Variants in CRB1 observed in about 807,000 individuals in gnomAD.
CRB1 encodes protein crumbs homolog 1.
CRB1 carries 83 observed loss-of-function variants against 120.0 expected under a neutral mutation model. The observed-to-expected ratio is 0.69, with a 90% CI of 0.58 to 0.83. CRB1 has a LOEUF of 0.83. CRB1 is among the 40% of genes least tolerant of loss of function. CRB1 has a pLI of 0.00. For missense variants in CRB1, 1,699 were observed against 1,687.6 expected (o/e 1.01, Z -0.12); for synonymous variants, 625 against 612.5 (o/e 1.02, Z -0.30).
At chr1:197,428,509 A>G (rs917434745) in intron 7 of CRB1, among the ~76,000 whole-genome samples, 5 of 152,210 alleles carry the variant, frequency 3.3e-5, no homozygotes, top group East Asian at 1.9e-4. Flanking sequence ...TAAATATTCT[A>G]TGTGCTCTTC....
chr1:197,442,460 A>T, intron 11 of CRB1, 168 bp downstream of exon 11: 1 of 1,537,916 alleles, frequency 6.5e-7, no homozygotes, highest in Non-Finnish European at 8.7e-7. Context: ...AAGCCATTGA[A>T]TTTCAAGAAA....
At chr1:197,329,098 A>C (rs1009149438) in intron 2 of CRB1, 95 bp downstream of exon 2, 1 of 1,117,276 alleles carries the variant, frequency 9.0e-7, no homozygotes, top group Non-Finnish European at 1.3e-6. Context: ...ACAATCATTT[A>C]TGAAAATGGC....
intron 8 of CRB1, among the ~76,000 whole-genome samples, chr1:197,434,137 C>A (rs1665007091): frequency 6.6e-6 from 1 of 151,866 alleles, no homozygotes; most frequent in African/African-American, 2.4e-5. Context: ...ACAGAATTTG[C>A]AGCTTGTCAC....
chr1:197,342,791 C>G (rs1489999437), intron 2 of CRB1, among the ~76,000 whole-genome samples: 1 of 152,172 alleles, frequency 6.6e-6, no homozygotes, highest in East Asian at 1.9e-4. Flanking sequence ...TATAGTAATA[C>G]CTACCATTGA....
chr1:197,475,899 G>A (rs998016271), intron 11 of CRB1, among the ~76,000 whole-genome samples: 14 of 151,802 alleles, frequency 9.2e-5, no homozygotes, highest in Non-Finnish European at 1.3e-4. Flanking sequence ...GTCTTCTTGC[G>A]TTTTATGTTT....
intron 11 of CRB1, among the ~76,000 whole-genome samples, chr1:197,459,206 A>G (rs533333214): frequency 6.6e-6 from 1 of 152,240 alleles, no homozygotes; most frequent in South Asian, 2.1e-4. Flanking sequence ...CTTTGGTAAA[A>G]ATCCAGCCAG....
the CRB1 span, among the ~76,000 whole-genome samples, chr1:197,262,611 G>C: frequency 3.3e-3 from 508 of 152,252 alleles, 2 homozygotes; most frequent in Non-Finnish European, 3.8e-3. Flanking sequence ...ACTGAGGTTT[G>C]AGGTATGAAT....
chr1:197,343,609 G>T (rs143629245), intron 2 of CRB1, among the ~76,000 whole-genome samples: 9 of 152,070 alleles, frequency 5.9e-5, no homozygotes, highest in African/African-American at 2.2e-4. Context: ...AGATAAAAAT[G>T]TCTATGCAAA....
At chr1:197,414,263 C>T (rs978865060) in intron 5 of CRB1, among the ~76,000 whole-genome samples, 37 of 152,048 alleles carry the variant, frequency 2.4e-4, no homozygotes, top group South Asian at 6.2e-4. Flanking sequence ...TTGTATATGT[C>T]TTTGTATATA....
chr1:197,477,483 T>C (rs1667245495), intron 11 of CRB1, 181 bp from the exon 12 acceptor site: 3 of 705,364 alleles, frequency 4.3e-6, no homozygotes, highest in South Asian at 3.0e-5. Context: ...AGATATATGA[T>C]TATTTGTAAA....
At chr1:197,401,795 C>A (rs1473981451) in intron 5 of CRB1, among the ~76,000 whole-genome samples, 1 of 152,056 alleles carries the variant, frequency 6.6e-6, no homozygotes, top group Non-Finnish European at 1.5e-5. Flanking sequence ...TAAGTAGTAT[C>A]TCTTTCTGTT....
At chr1:197,264,870 C>A (rs1654597708), upstream of CRB1, among the ~76,000 whole-genome samples, 1 of 151,804 alleles carries the variant, frequency 6.6e-6, no homozygotes, top group Non-Finnish European at 1.5e-5. Context: ...TGTGATCCAC[C>A]CGCCTCAGCC....
chr1:197,453,203 G>T (rs6689739), intron 11 of CRB1, among the ~76,000 whole-genome samples: 139,751 of 150,030 alleles, frequency 0.93, 65,969 homozygotes, highest in East Asian at 1. Context: ...AGAATTATGA[G>T]TGCTAGGAGC....
the CRB1 span, among the ~76,000 whole-genome samples, chr1:197,227,393 CTT>C: frequency 8.7e-5 from 12 of 138,066 alleles, no homozygotes; most frequent in Non-Finnish European, 1.4e-4. Flanking sequence ...TTTTCTTTTT[CTT>C]TTTTTTTTTT....
chr1:197,458,318 G>A (rs1156737654), intron 11 of CRB1, among the ~76,000 whole-genome samples: 1 of 151,980 alleles, frequency 6.6e-6, no homozygotes, highest in East Asian at 1.9e-4. Context: ...GAAGATTTCT[G>A]CATTTGCCCC....
intron 1 of CRB1, among the ~76,000 whole-genome samples, chr1:197,270,005 TTGATA>T (rs1654822354): frequency 6.6e-6 from 1 of 152,214 alleles, no homozygotes; most frequent in South Asian, 2.1e-4. Context: ...TTTGTCTGTG[TTGATA>T]TATTTATTGG....
intron 11 of CRB1, among the ~76,000 whole-genome samples, chr1:197,446,162 C>A (rs556452432): frequency 6.7e-6 from 1 of 149,358 alleles, no homozygotes; most frequent in Non-Finnish European, 1.5e-5. Flanking sequence ...TACACTCCAG[C>A]CTGGGTGACA....
intron 1 of CRB1, among the ~76,000 whole-genome samples, chr1:197,278,738 A>G (rs570031159): frequency 2.6e-5 from 4 of 152,076 alleles, no homozygotes; most frequent in South Asian, 4.1e-4. Context: ...GGATCAATTT[A>G]TAAACAAATT....
the CRB1 span, among the ~76,000 whole-genome samples, chr1:197,247,662 A>G: frequency 6.6e-6 from 1 of 152,088 alleles, no homozygotes; most frequent in Non-Finnish European, 1.5e-5. Flanking sequence ...ACCACAGGAA[A>G]GACAGAGAAA....
Sources: gnomAD v4.1 joint callset for allele counts (sites outside exome capture counted in the v4.1 genomes callset) on GRCh38, gnomAD v4.1.1 for gene constraint, MANE v1.5 for transcripts, NCBI Gene and HGNC (gene_info 2026-07-23, HGNC 2026-07-21) for gene names.